Variants in SMYD3 observed in about 807,000 individuals in gnomAD.
SMYD3 encodes the protein SET and MYND domain containing 3.
In SMYD3, 36 loss-of-function variants were observed where a neutral mutation model predicts 57.7. The observed-to-expected ratio is 0.62, with a 90% CI of 0.48 to 0.82. The LOEUF is 0.82. Ranked by LOEUF, SMYD3 falls within the 40% of genes least tolerant of loss-of-function variation. The pLI is 0.00. For missense variants in SMYD3, 515 were observed against 538.8 expected (o/e 0.96, Z 0.44); for synonymous variants, 211 against 195.0 (o/e 1.08, Z -0.68).
At chr1:246,421,903 C>A (rs1052440246) in intron 1 of SMYD3, among the ~76,000 whole-genome samples, 2 of 152,222 alleles carry the variant, frequency 1.3e-5, no homozygotes, top group Admixed American at 6.5e-5. Flanking sequence ...AGCAAATTCA[C>A]CTTTCCTCTG....
rs1446563816 is a variant in SMYD3 at position 246,118,729 on chromosome 1, A to ACT, written c.532-188793_532-188792insAG. Among the ~76,000 whole-genome samples the ACT allele has an allele frequency of 1.8e-3, 257 of 144,234 alleles. 2 individuals carry two copies. The highest frequency in any genetic ancestry group is 6.6e-3 in the African/African-American group (244 of 36,796). The allele number at this position is 144,234 out of a possible 152,430, so 94.6% of individuals were successfully genotyped here. On this transcript the variant is annotated intron_variant, in intron 5 of 11. Coordinates refer to ENST00000490107, the MANE Select transcript of SMYD3 (RefSeq NM_001167740.2). ...TTCTCCCTTCTTCCTTGAGACTCCC[A>ACT]ATTTTTTTTTAAAATGTGTGCTAAA... is the stretch of plus-strand genomic sequence containing the variant.
rs565860943 is a variant in SMYD3 at position 246,249,148 on chromosome 1, G to A, written c.531+78053C>T. ...TGTTTTTGAGACACAGTCTCACTCT[G>A]TCACCCAGGCTGGAGCAAAGTGGTG... is the stretch of plus-strand genomic sequence containing the variant. On this transcript the variant is annotated intron_variant, in intron 5 of 11. Coordinates refer to ENST00000490107, the MANE Select transcript of SMYD3 (RefSeq NM_001167740.2). Among the ~76,000 whole-genome samples the A allele has an allele frequency of 1.3e-4, 20 of 152,068 alleles. No individual in the cohort carries two copies. In the South Asian group the frequency reaches 3.9e-3, roughly 30 times the overall value.
At chr1:246,192,593 T>C (rs534618814) in intron 5 of SMYD3, among the ~76,000 whole-genome samples, 9 of 152,276 alleles carry the variant, frequency 5.9e-5, no homozygotes, top group Non-Finnish European at 1.3e-4. Context: ...TCGCAGTTAA[T>C]GTAAATGCTA....
chr1:246,065,575 T>A (rs1054703783), intron 5 of SMYD3, among the ~76,000 whole-genome samples: 1 of 152,226 alleles, frequency 6.6e-6, no homozygotes. Context: ...CTACTGTGTA[T>A]AAACATGCAA....
chr1:246,458,438 CTTTTT>C (rs35956400), intron 1 of SMYD3, among the ~76,000 whole-genome samples: 1 of 62,062 alleles, frequency 1.6e-5, no homozygotes, highest in African/African-American at 5.5e-5. Flanking sequence ...AAAAGTCATT[CTTTTT>C]TTTTTTTTTT....
At chr1:246,040,643 C>G (rs564563783) in intron 5 of SMYD3, among the ~76,000 whole-genome samples, 23 of 152,298 alleles carry the variant, frequency 1.5e-4, no homozygotes, top group African/African-American at 4.6e-4. Context: ...GTTACCGACT[C>G]CATTCCCCAG....
chr1:245,944,207 T>C (rs1035558239), intron 5 of SMYD3, among the ~76,000 whole-genome samples: 14 of 152,260 alleles, frequency 9.2e-5, no homozygotes, highest in African/African-American at 3.1e-4. Flanking sequence ...ATTGTCTTTG[T>C]TTGCAGATAA....
chr1:246,230,192 C>G (rs1228547994), intron 5 of SMYD3, among the ~76,000 whole-genome samples: 3 of 152,180 alleles, frequency 2.0e-5, no homozygotes, highest in Non-Finnish European at 2.9e-5. Context: ...ACATGCTATT[C>G]TGTATATAAT....
intron 8 of SMYD3, among the ~76,000 whole-genome samples, chr1:245,914,606 C>A (rs1317042219): frequency 1.3e-5 from 2 of 152,078 alleles, no homozygotes; most frequent in Non-Finnish European, 2.9e-5. Flanking sequence ...ACTGTGGGTA[C>A]TAGAGGCTAA....
intron 5 of SMYD3, among the ~76,000 whole-genome samples, chr1:246,053,581 T>C (rs2060097765): frequency 6.6e-6 from 1 of 152,078 alleles, no homozygotes; most frequent in Non-Finnish European, 1.5e-5. Context: ...TTCAAAAAAA[T>C]GATGCAGGAA....
Position 246,193,314 on chromosome 1 carries a change from A to G in SMYD3, c.531+133887T>C, listed in dbSNP as rs535924716. Reference sequence around the variant, plus strand: ...AAATTAACATTTAAAATACAACAAGATCACATAGAAATAGAAATAGTTCGA... The same window carrying G: ...AAATTAACATTTAAAATACAACAAGGTCACATAGAAATAGAAATAGTTCGA... On this transcript the variant is annotated intron_variant, in intron 5 of 11. Transcript: ENST00000490107. Among the ~76,000 whole-genome samples the G allele has an allele frequency of 2.6e-5, 4 of 151,182 alleles. No individual in the cohort carries two copies. The East Asian group carries it at 7.9e-4, about 30-fold the overall frequency.
chr1:246,397,126 C>T lies in SMYD3; in HGVS notation c.165-42032G>A, dbSNP rs559921871. Among the ~76,000 whole-genome samples the T allele has an allele frequency of 6.6e-5, 10 of 152,286 alleles. No homozygotes were observed. In the East Asian group the frequency reaches 7.7e-4, roughly 12 times the overall value. On this transcript the variant is annotated intron_variant, in intron 1 of 11. Transcript: ENST00000490107. ...GTTGCCTGTTAGAAACCTGGCTGCACGACAGGAGGTGAGTAGCGGGCAAGC... is the reference window on the plus strand; with the variant it reads ...GTTGCCTGTTAGAAACCTGGCTGCATGACAGGAGGTGAGTAGCGGGCAAGC...
intron 5 of SMYD3, among the ~76,000 whole-genome samples, chr1:246,143,966 C>A (rs1256170216): frequency 6.6e-6 from 1 of 152,224 alleles, no homozygotes; most frequent in African/African-American, 2.4e-5. Flanking sequence ...CACACAACAG[C>A]AGCATGGCTA....
At chr1:246,318,228 A>G (rs2065195175) in intron 5 of SMYD3, among the ~76,000 whole-genome samples, 1 of 152,136 alleles carries the variant, frequency 6.6e-6, no homozygotes, top group South Asian at 2.1e-4. Flanking sequence ...ACAAAAGTAA[A>G]GCAAAATATT....
intron 5 of SMYD3, among the ~76,000 whole-genome samples, chr1:246,084,992 A>G (rs183555166): frequency 1.3e-5 from 2 of 152,362 alleles, no homozygotes; most frequent in African/African-American, 4.8e-5. Flanking sequence ...TACAGAAAAG[A>G]GCAGAAATGA....
intron 1 of SMYD3, among the ~76,000 whole-genome samples, chr1:246,471,253 C>T (rs1030001066): frequency 4.6e-5 from 7 of 152,102 alleles, no homozygotes; most frequent in South Asian, 2.1e-4. Context: ...GGCTGAAGTG[C>T]GGCTGTATGA....
At chr1:246,236,397 C>G (rs1558338222) in intron 5 of SMYD3, among the ~76,000 whole-genome samples, 1 of 151,750 alleles carries the variant, frequency 6.6e-6, no homozygotes, top group African/African-American at 2.4e-5. Context: ...ACCTGGCTAA[C>G]TTTTTTTATT....
At chr1:246,051,070 C>G (rs2060058396) in intron 5 of SMYD3, among the ~76,000 whole-genome samples, 1 of 151,108 alleles carries the variant, frequency 6.6e-6, no homozygotes, top group Admixed American at 6.6e-5. Context: ...AAGTACTATT[C>G]TTTGGAAAGA....
At chr1:246,005,530 G>A (rs972006179) in intron 5 of SMYD3, among the ~76,000 whole-genome samples, 1 of 152,186 alleles carries the variant, frequency 6.6e-6, no homozygotes, top group African/African-American at 2.4e-5. Context: ...TAGAGGATGT[G>A]AGGATAAGCA....
Sources: gnomAD v4.1 joint callset for allele counts (sites outside exome capture counted in the v4.1 genomes callset) on GRCh38, gnomAD v4.1.1 for gene constraint, MANE v1.5 for transcripts, NCBI Gene and HGNC (gene_info 2026-07-23, HGNC 2026-07-21) for gene names.